Variants in EHBP1 observed in about 807,000 individuals in gnomAD.
EHBP1 encodes the protein EH domain binding protein 1, also known as EH domain-binding protein 1.
A neutral mutation model predicts 144.0 loss-of-function variants in EHBP1; 55 were observed. The ratio of observed to expected loss-of-function variants is 0.38; its 90% CI spans 0.31 to 0.48. The LOEUF (loss-of-function observed/expected upper bound fraction) is 0.48. Among genes scored for constraint, EHBP1 ranks in the 20% least tolerant of loss-of-function variants. The pLI, the probability that EHBP1 is intolerant of heterozygous loss-of-function variation, is 0.98. For synonymous variants in EHBP1, 469 were observed against 472.7 expected (o/e 0.99, Z 0.10); for missense variants, 1,200 against 1,364.2 (o/e 0.88, Z 1.90).
chr2:62,990,613 C>A, intron 15 of EHBP1, 103 bp from the exon 16 acceptor site: 1 of 1,242,140 alleles, frequency 8.1e-7, no homozygotes, highest in South Asian at 1.5e-5. Flanking sequence ...TTTCTTCTTT[C>A]TTTTAAAATA....
At chr2:63,027,108 T>C (rs192223649) in intron 19 of EHBP1, among the ~76,000 whole-genome samples, 11 of 152,334 alleles carry the variant, frequency 7.2e-5, no homozygotes, top group Admixed American at 5.2e-4. Flanking sequence ...CAAGACAAAC[T>C]GGCTGCATTT....
chr2:62,996,910 C>T, intron 19 of EHBP1, 144 bp downstream of exon 19: 2 of 1,172,898 alleles, frequency 1.7e-6, no homozygotes, highest in Non-Finnish European at 2.4e-6. Flanking sequence ...TTGCAGCCAC[C>T]TCTCTGGGCC....
At chr2:62,860,358 G>T (rs966194481) in intron 8 of EHBP1, among the ~76,000 whole-genome samples, 1 of 152,088 alleles carries the variant, frequency 6.6e-6, no homozygotes, top group Admixed American at 6.5e-5. Flanking sequence ...GAGCATGGTG[G>T]TGCATGCATG....
At chr2:62,844,424 ACAG>A (rs2048147334) in intron 7 of EHBP1, among the ~76,000 whole-genome samples, 1 of 152,156 alleles carries the variant, frequency 6.6e-6, no homozygotes, top group Non-Finnish European at 1.5e-5. Context: ...ATTTTGAATT[ACAG>A]TTGGAAAAAT....
intron 10 of EHBP1, among the ~76,000 whole-genome samples, chr2:62,879,568 C>CACAT (rs1397160949): frequency 6.6e-6 from 1 of 150,864 alleles, no homozygotes; most frequent in Admixed American, 6.6e-5. Flanking sequence ...CACACACACA[C>CACAT]ACACACACAC....
intron 1 of EHBP1, among the ~76,000 whole-genome samples, chr2:62,696,752 C>T (rs1257123745): frequency 6.6e-5 from 10 of 151,760 alleles, no homozygotes; most frequent in Non-Finnish European, 1.3e-4. Flanking sequence ...CTCTTGACCT[C>T]GTCTTCCACC....
chr2:62,921,908 G>A (rs941894734), intron 10 of EHBP1, among the ~76,000 whole-genome samples: 5 of 152,214 alleles, frequency 3.3e-5, no homozygotes, highest in African/African-American at 1.2e-4. Flanking sequence ...CAGGCGTGGT[G>A]GCTCACGCCT....
At position 62,849,075 on chromosome 2, in the gene EHBP1, TC is replaced by T. The variant is rs572797594; in HGVS notation, c.635-10093del. ...TCCCAATATTCATGCTCTTTTATAATCTCCTCCTTTGCAGCTTGGCTGGCCT... is the reference window on the plus strand; with the variant it reads ...TCCCAATATTCATGCTCTTTTATAATTCCTCCTTTGCAGCTTGGCTGGCCT... On this transcript the variant is annotated intron_variant, in intron 7 of 22. Transcript: ENST00000431489. Among the ~76,000 whole-genome samples, 158 of 152,226 alleles carry T rather than the reference TC, an allele frequency of 1.0e-3. No individual in the cohort carries two copies. The South Asian group carries it at 0.011, about 11-fold the overall frequency.
intron 19 of EHBP1, among the ~76,000 whole-genome samples, chr2:63,012,402 T>C (rs901423488): frequency 1.3e-5 from 2 of 152,102 alleles, no homozygotes; most frequent in Admixed American, 1.3e-4. Context: ...AGAAAGACTG[T>C]AGATACTTGT....
intron 1 of EHBP1, among the ~76,000 whole-genome samples, chr2:62,693,558 T>C (rs932521134): frequency 2.6e-5 from 4 of 152,172 alleles, no homozygotes; most frequent in African/African-American, 9.6e-5. Flanking sequence ...GCATACAATG[T>C]GTAGAGGTCA....
rs149660983 is a variant in EHBP1, at chr2:62,945,425, T to C, written c.1413+1575T>C. Among the ~76,000 whole-genome samples the C allele has an allele frequency of 1.1e-3, 161 of 152,338 alleles. 2 individuals carry two copies. Among genetic ancestry groups the C allele is most frequent in the Admixed American group, 2.0e-3 (31 of 15,286 alleles). On this transcript the variant is annotated intron_variant, in intron 12 of 22. Transcript: ENST00000431489. ...CTTTAAATTAAATAATTAAAATTAC[T>C]AGTGATACAAAGTCTTGGGACCTTG...
intron 9 of EHBP1, among the ~76,000 whole-genome samples, chr2:62,868,598 C>G (rs1201316183): frequency 2.6e-5 from 4 of 152,024 alleles, no homozygotes; most frequent in African/African-American, 4.8e-5. Context: ...TTTGCAATAC[C>G]TGCATCTGGC....
chr2:62,743,404 G>C (rs919044169), intron 2 of EHBP1, among the ~76,000 whole-genome samples: 1 of 151,940 alleles, frequency 6.6e-6, no homozygotes, highest in Non-Finnish European at 1.5e-5. Context: ...TCTTCTCTAT[G>C]TTCTCCAAGG....
At chr2:62,684,181 G>A (rs1427220541) in intron 1 of EHBP1, among the ~76,000 whole-genome samples, 8 of 152,192 alleles carry the variant, frequency 5.3e-5, no homozygotes, top group Non-Finnish European at 1.2e-4. Flanking sequence ...CATTGAGAAA[G>A]AAGCCCTTAG....
intron 3 of EHBP1, among the ~76,000 whole-genome samples, chr2:62,748,932 A>G (rs1017635955): frequency 1.1e-4 from 16 of 152,164 alleles, no homozygotes; most frequent in Non-Finnish European, 1.9e-4. Flanking sequence ...CAATATGTAT[A>G]CTTGTATAAT....
chr2:63,043,917 G>GT (rs1559110359), intron 21 of EHBP1: 6 of 36,198 alleles, frequency 1.7e-4, no homozygotes, highest in African/African-American at 8.6e-4. Context: ...AGTGGCCATG[G>GT]TTCTTTTTTT....
At chr2:62,975,832 T>C (rs1159422433) in intron 14 of EHBP1, among the ~76,000 whole-genome samples, 1 of 150,756 alleles carries the variant, frequency 6.6e-6, no homozygotes, top group African/African-American at 2.4e-5. Context: ...AGGTCAAGGC[T>C]GCGGTGAGCT....
chr2:62,850,088 T>C (rs2152754198), intron 7 of EHBP1, among the ~76,000 whole-genome samples: 2 of 152,240 alleles, frequency 1.3e-5, no homozygotes, highest in South Asian at 4.1e-4. Flanking sequence ...AGGAGGAGAA[T>C]CAGGAGATGC....
At chr2:62,810,655 T>G (rs1474864588) in intron 5 of EHBP1, among the ~76,000 whole-genome samples, 1 of 152,158 alleles carries the variant, frequency 6.6e-6, no homozygotes, top group Non-Finnish European at 1.5e-5. Context: ...TCCTGAAGAT[T>G]TAGGAGTCAT....
Sources: allele counts gnomAD v4.1 joint callset (sites outside exome capture counted in the v4.1 genomes callset), GRCh38; gene constraint gnomAD v4.1.1; transcripts MANE v1.5; gene names NCBI Gene and HGNC (gene_info 2026-07-23, HGNC 2026-07-21).